Variants in RSU1 observed in about 807,000 individuals in gnomAD.
RSU1 encodes the protein Ras suppressor protein 1, also known as rsu-1.
A neutral mutation model predicts 31.1 loss-of-function variants in RSU1; 26 were observed. The ratio of observed to expected loss-of-function variants is 0.84; its 90% CI spans 0.61 to 1.16. RSU1 has a LOEUF of 1.16. Ranked by LOEUF, RSU1 falls within the 50% of genes most tolerant of loss-of-function variation. The probability of loss-of-function intolerance (pLI) is 0.00; values close to 1 mark genes in which losing one functional copy is unlikely to be tolerated. For missense variants in RSU1, 320 were observed against 339.1 expected (o/e 0.94, Z 0.44); for synonymous variants, 164 against 136.3 (o/e 1.20, Z -1.41).
Position 16,697,987 on chromosome 10 carries a change from CTTTTTTTTT to C in RSU1, c.599-2841_599-2833del, listed in dbSNP as rs67816326. Among the ~76,000 whole-genome samples, 962 of 99,520 alleles carry C rather than the reference CTTTTTTTTT, an allele frequency of 9.7e-3. 14 individuals are homozygous for C. Among genetic ancestry groups the C allele is most frequent in the African/African-American group, 0.044 (899 of 20,228 alleles). 65.3% of individuals were successfully genotyped at this position (99,520 alleles called of 152,430 possible). A position where few individuals can be genotyped will look rare whatever the true frequency, so the allele number is the denominator to read the frequency against. The stretch of plus-strand genomic sequence containing the variant: ...CAGAGGGGTGATTGCAGGAACACAC[CTTTTTTTTT>C]TTTTTTTTTTTTTTTTTTTTTTTAC... On this transcript the variant is annotated intron_variant, in intron 7 of 8. Transcript: ENST00000345264.
chr10:16,614,948 C>T (rs1182857310), intron 8 of RSU1, among the ~76,000 whole-genome samples: 1 of 152,068 alleles, frequency 6.6e-6, no homozygotes, highest in Non-Finnish European at 1.5e-5. Flanking sequence ...AATATAAAGA[C>T]CAAGGACACT....
At chr10:16,643,106 G>T (rs1834474339) in intron 8 of RSU1, among the ~76,000 whole-genome samples, 1 of 152,144 alleles carries the variant, frequency 6.6e-6, no homozygotes, top group Admixed American at 6.5e-5. Context: ...GGACAGTTGT[G>T]AATCTGTACA....
At chr10:16,790,000 C>G (rs1449796918) in intron 2 of RSU1, among the ~76,000 whole-genome samples, 3 of 152,070 alleles carry the variant, frequency 2.0e-5, no homozygotes, top group African/African-American at 7.2e-5. Flanking sequence ...TGGATCTGGC[C>G]AAAATGAACA....
chr10:16,759,130 G>T (rs1564347022), intron 4 of RSU1, among the ~76,000 whole-genome samples: 1 of 152,072 alleles, frequency 6.6e-6, no homozygotes, highest in Admixed American at 6.6e-5. Flanking sequence ...CAGCTTCAAA[G>T]AAACCTTCTT....
At chr10:16,809,300 C>G (rs1295343846) in intron 2 of RSU1, among the ~76,000 whole-genome samples, 1 of 152,178 alleles carries the variant, frequency 6.6e-6, no homozygotes, top group Non-Finnish European at 1.5e-5. Context: ...ACATGCCAAC[C>G]TCAAAGATGC....
chr10:16,713,385 A>C (rs79596833), intron 7 of RSU1, among the ~76,000 whole-genome samples: 1,912 of 152,242 alleles, frequency 0.013, 48 homozygotes, highest in African/African-American at 0.043. Flanking sequence ...GCTTTCTTCA[A>C]TTAAAATTCT....
chr10:16,702,942 G>A (rs979610504), intron 7 of RSU1, among the ~76,000 whole-genome samples: 1 of 152,202 alleles, frequency 6.6e-6, no homozygotes, highest in Admixed American at 6.5e-5. Flanking sequence ...GGCCTGGTGT[G>A]AGGTGGCAGG....
At chr10:16,792,108 T>TG (rs1246612222) in intron 2 of RSU1, among the ~76,000 whole-genome samples, 2 of 152,210 alleles carry the variant, frequency 1.3e-5, no homozygotes, top group Admixed American at 6.5e-5. Context: ...TTGGCCATCT[T>TG]GGACTCTAAA....
chr10:16,667,241 C>A (rs1156298896), intron 8 of RSU1, among the ~76,000 whole-genome samples: 1 of 152,138 alleles, frequency 6.6e-6, no homozygotes, highest in African/African-American at 2.4e-5. Context: ...TAATAATGTT[C>A]ATTATAGGTA....
intron 8 of RSU1, among the ~76,000 whole-genome samples, chr10:16,634,048 G>C (rs1031074602): frequency 1.3e-5 from 2 of 152,182 alleles, no homozygotes; most frequent in African/African-American, 4.8e-5. Flanking sequence ...CTATTTATCA[G>C]ACAGCTTCCA....
chr10:16,809,359 A>G (rs1250935864), intron 2 of RSU1, among the ~76,000 whole-genome samples: 1 of 152,208 alleles, frequency 6.6e-6, no homozygotes, highest in Non-Finnish European at 1.5e-5. Context: ...TGAGCTACAC[A>G]GATAAAATGC....
chr10:16,613,644 T>C (rs1320004808), intron 8 of RSU1, among the ~76,000 whole-genome samples: 1 of 152,240 alleles, frequency 6.6e-6, no homozygotes, highest in African/African-American at 2.4e-5. Flanking sequence ...TGGCTGGGAA[T>C]GTTCCCTTTT....
rs371971213 is a variant in RSU1, at chr10:16,754,851, T to C, written c.400+20A>G. ...CAAAGTACAAGGTTGAGGAGATTTA[T>C]AGAATTGAAAGTTTCTTACTCAGGT... On this transcript the variant is annotated intron_variant, in intron 5 of 8. Transcript: ENST00000345264. 12 of 1,465,490 alleles carry C rather than the reference T, an allele frequency of 8.2e-6. No homozygotes were observed. Among genetic ancestry groups the C allele is most frequent in the African/African-American group, 2.8e-5 (2 of 70,890 alleles). The allele number at this position is 1,465,490 out of a possible 1,614,324, so 90.8% of individuals were successfully genotyped here. A position where few individuals can be genotyped will look rare whatever the true frequency, so the allele number is the denominator to read the frequency against.
intron 7 of RSU1, among the ~76,000 whole-genome samples, chr10:16,703,726 C>T (rs547471031): frequency 6.6e-6 from 1 of 152,038 alleles, no homozygotes; most frequent in Non-Finnish European, 1.5e-5. Flanking sequence ...CTTTTTAAAA[C>T]ACCATAAATA....
intron 8 of RSU1, among the ~76,000 whole-genome samples, chr10:16,693,406 A>G (rs975964086): frequency 9.9e-5 from 15 of 152,280 alleles, no homozygotes; most frequent in African/African-American, 3.6e-4. Flanking sequence ...CTGCCCTGCC[A>G]ATCAATCCCG....
intron 3 of RSU1, among the ~76,000 whole-genome samples, chr10:16,770,772 TGGCATCGC>T (rs1012840708): frequency 6.6e-6 from 1 of 152,202 alleles, no homozygotes; most frequent in African/African-American, 2.4e-5. Context: ...GGACAGCAGG[TGGCATCGC>T]GGCATGTCCG....
At chr10:16,620,628 G>C (rs963137668) in intron 8 of RSU1, among the ~76,000 whole-genome samples, 8 of 151,714 alleles carry the variant, frequency 5.3e-5, no homozygotes, top group Admixed American at 4.6e-4. Context: ...GGCGGATCAT[G>C]AAGTCAGGAG....
intron 8 of RSU1, among the ~76,000 whole-genome samples, chr10:16,644,671 G>A (rs1017806362): frequency 6.6e-5 from 10 of 152,114 alleles, no homozygotes; most frequent in East Asian, 5.8e-4. Context: ...GATTTTGCCC[G>A]CTAAATGGAT....
chr10:16,761,163 G>A (rs1160529645), intron 4 of RSU1, among the ~76,000 whole-genome samples: 3 of 152,070 alleles, frequency 2.0e-5, no homozygotes, highest in African/African-American at 4.8e-5. Flanking sequence ...GGCTGTTCTC[G>A]AACTCCTGGC....
Sources: gnomAD v4.1 joint callset for allele counts (sites outside exome capture counted in the v4.1 genomes callset) on GRCh38, gnomAD v4.1.1 for gene constraint, MANE v1.5 for transcripts, NCBI Gene and HGNC (gene_info 2026-07-23, HGNC 2026-07-21) for gene names.